The following SYNJ2BP variants were observed in gnomAD, a reference collection of about 807,000 sequenced individuals.
SYNJ2BP encodes the protein synaptojanin-2-binding protein.
SYNJ2BP carries 10 observed loss-of-function variants against 16.9 expected under a neutral mutation model. The ratio of observed to expected loss-of-function variants is 0.59; its 90% CI spans 0.36 to 1.00. The LOEUF is 1.00. SYNJ2BP is among the 50% of genes least tolerant of loss of function. The pLI is 0.01. For missense variants in SYNJ2BP, 162 were observed against 186.7 expected, an observed-to-expected ratio of 0.87 and a Z score of 0.77; for synonymous variants, 54 against 68.4, an observed-to-expected ratio of 0.79 and a Z score of 1.04.
chr14:70,396,326 C>T (rs1888093859), intron 1 of SYNJ2BP, among the ~76,000 whole-genome samples: 1 of 152,116 alleles, frequency 6.6e-6, no homozygotes, highest in Non-Finnish European at 1.5e-5. Context: ...ACCATGTTAG[C>T]CAGGATGGTC....
Position 70,416,922 on chromosome 14 carries a change from G to C in SYNJ2BP, c.42C>G (p.Ile14Met). 6.2e-7 allele frequency: 1 copy of C among 1,614,070 alleles called. No homozygotes were observed. Among genetic ancestry groups the C allele is most frequent in the East Asian group, 2.2e-5 (1 of 44,878 alleles). ...RVDYLVTEEEINLTRGPSGLG... is the reference protein window; with the variant it reads ...RVDYLVTEEEMNLTRGPSGLG... ...TACCTGAGGGCCCTCTGGTAAGATT[G>C]ATCTCTTCCTCAGTGACCAAATAAT... Residue 14 changes from isoleucine (I) to methionine (M), a missense_variant, in exon 1 of 4, where the codon ATC becomes ATG. Ile to Met is a conservative substitution (Grantham distance 10). Transcript: ENST00000256366.
chr14:70,398,509 A>G (rs1888156453), intron 1 of SYNJ2BP, among the ~76,000 whole-genome samples: 1 of 152,194 alleles, frequency 6.6e-6, no homozygotes, highest in South Asian at 2.1e-4. Flanking sequence ...CTGGTGTGTC[A>G]GCACTGCCCT....
At chr14:70,394,510 T>G (rs535986838) in intron 1 of SYNJ2BP, among the ~76,000 whole-genome samples, 1 of 151,392 alleles carries the variant, frequency 6.6e-6, no homozygotes, top group African/African-American at 2.4e-5. Context: ...GAGCTCTGGT[T>G]ATAATGTGCC....
At chr14:70,399,071 C>T (rs1475068361) in intron 1 of SYNJ2BP, among the ~76,000 whole-genome samples, 2 of 152,160 alleles carry the variant, frequency 1.3e-5, no homozygotes. Flanking sequence ...GTGCAAGAAC[C>T]CACTGCAGTG....
At chr14:70,407,650 A>G (rs1334423608) in intron 1 of SYNJ2BP, among the ~76,000 whole-genome samples, 1 of 152,128 alleles carries the variant, frequency 6.6e-6, no homozygotes, top group Non-Finnish European at 1.5e-5. Flanking sequence ...AGATAAAATC[A>G]AAGTAAAAAA....
intron 1 of SYNJ2BP, among the ~76,000 whole-genome samples, chr14:70,398,668 G>A (rs1006542141): frequency 5.3e-5 from 8 of 152,170 alleles, no homozygotes; most frequent in African/African-American, 1.7e-4. Flanking sequence ...ACCTTCCTGG[G>A]CCCCTGAGGG....
rs183887143 is a variant in SYNJ2BP, at chr14:70,384,058, C to T, written c.201+4412G>A. On this transcript the variant is annotated intron_variant, in intron 2 of 3. Coordinates refer to ENST00000256366, the MANE Select transcript of SYNJ2BP (RefSeq NM_018373.3). ...CTGCAAGCTCTGCCTCCCGGGTTCA[C>T]GCCATGAAACTACATGATAAACCAT... is the stretch of plus-strand genomic sequence containing the variant. Among the ~76,000 whole-genome samples the T allele has an allele frequency of 1.1e-4, 17 of 151,572 alleles. No homozygotes were observed. In the East Asian group the frequency reaches 1.7e-3, roughly 16 times the overall value.
At chr14:70,404,089 G>A (rs1272076737) in intron 1 of SYNJ2BP, among the ~76,000 whole-genome samples, 1 of 152,056 alleles carries the variant, frequency 6.6e-6, no homozygotes, top group Non-Finnish European at 1.5e-5. Context: ...CTTGAGGCCA[G>A]GCATGGTAGC....
chr14:70,377,076 C>T (rs1316400689), intron 2 of SYNJ2BP, among the ~76,000 whole-genome samples: 2 of 152,238 alleles, frequency 1.3e-5, no homozygotes, highest in Admixed American at 6.5e-5. Context: ...TAAACTTAGA[C>T]TTCAATATTA....
rs11335413 is a variant in SYNJ2BP at position 70,407,534 on chromosome 14, CAA to C, written c.64+9364_64+9365del. ...AAGCACCAATTTTGTGTTAATTAAGCAAAAAAAAAATTTGTTATAGTATCCTC... is the reference window on the plus strand; with the variant it reads ...AAGCACCAATTTTGTGTTAATTAAGCAAAAAAAATTTGTTATAGTATCCTC... On this transcript the variant is annotated intron_variant, in intron 1 of 3. Coordinates refer to ENST00000256366, the MANE Select transcript of SYNJ2BP (RefSeq NM_018373.3). Among the ~76,000 whole-genome samples the C allele has an allele frequency of 1.1e-3, 160 of 151,684 alleles. 2 individuals carry two copies. The East Asian group carries it at 0.02, about 19-fold the overall frequency.
chr14:70,400,701 C>T (rs969226670), intron 1 of SYNJ2BP, among the ~76,000 whole-genome samples: 11 of 152,200 alleles, frequency 7.2e-5, no homozygotes, highest in African/African-American at 2.4e-4. Context: ...TATACTTTTA[C>T]TAAAGACACG....
intron 1 of SYNJ2BP, among the ~76,000 whole-genome samples, chr14:70,410,572 C>T (rs1215287086): frequency 1.3e-5 from 2 of 152,040 alleles, no homozygotes; most frequent in African/African-American, 4.8e-5. Flanking sequence ...TGCATGTGTT[C>T]ACTGCAGCAC....
intron 3 of SYNJ2BP, among the ~76,000 whole-genome samples, chr14:70,375,369 T>C (rs1400182070): frequency 6.6e-6 from 1 of 151,532 alleles, no homozygotes; most frequent in Non-Finnish European, 1.5e-5. Context: ...GCCTGAATTT[T>C]TTGTATTTTT....
chr14:70,398,751 G>A (rs1888162921), intron 1 of SYNJ2BP, among the ~76,000 whole-genome samples: 1 of 152,208 alleles, frequency 6.6e-6, no homozygotes, highest in Admixed American at 6.5e-5. Context: ...GAAGTGTGCA[G>A]CCAGCACTAG....
intron 1 of SYNJ2BP, among the ~76,000 whole-genome samples, chr14:70,407,875 G>T (rs1045969789): frequency 1.3e-5 from 2 of 152,096 alleles, no homozygotes; most frequent in African/African-American, 4.8e-5. Flanking sequence ...TTGTTTAATT[G>T]TCTCATTACC....
intron 1 of SYNJ2BP, among the ~76,000 whole-genome samples, chr14:70,414,437 T>G (rs927577477): frequency 1.6e-4 from 24 of 152,212 alleles, no homozygotes; most frequent in Non-Finnish European, 2.9e-4. Flanking sequence ...TAATTAGTCC[T>G]TGAAGCTTGT....
intron 2 of SYNJ2BP, among the ~76,000 whole-genome samples, chr14:70,378,424 C>CTTTTTT (rs34309608): frequency 3.6e-5 from 4 of 110,132 alleles, no homozygotes; most frequent in Non-Finnish European, 5.4e-5. Flanking sequence ...TTCCTTCAAA[C>CTTTTTT]TTTTTTTTTT....
At chr14:70,389,391 T>C (rs952191040) in intron 1 of SYNJ2BP, among the ~76,000 whole-genome samples, 40 of 151,820 alleles carry the variant, frequency 2.6e-4, no homozygotes, top group African/African-American at 9.2e-4. Context: ...TTTTTTTTTT[T>C]TCCATTTTGG....
At position 70,369,272 on chromosome 14, in the gene SYNJ2BP, T is replaced by TA. The variant is rs1229141615; in HGVS notation, c.*3718_*3719insT. On this transcript the variant is annotated 3_prime_UTR_variant, in exon 4 of 4. Coordinates refer to ENST00000256366, the MANE Select transcript of SYNJ2BP (RefSeq NM_018373.3). ...AATGCACCACTAATTTGTTTGACTTTTAGTAAAGACAGGGTTTCACCACAT... is the reference window on the plus strand; with the variant it reads ...AATGCACCACTAATTTGTTTGACTTTATAGTAAAGACAGGGTTTCACCACAT... 6.6e-6 allele frequency: 1 copy of TA among 152,160 alleles called. No individual in the cohort carries two copies. Among genetic ancestry groups the TA allele is most frequent in the African/African-American group, 2.4e-5 (1 of 41,436 alleles). 9.4% of individuals were successfully genotyped at this position (152,160 alleles called of 1,614,324 possible). A position where few individuals can be genotyped will look rare whatever the true frequency, so the allele number is the denominator to read the frequency against.
Sources: allele counts gnomAD v4.1 joint callset (sites outside exome capture counted in the v4.1 genomes callset), GRCh38; gene constraint gnomAD v4.1.1; transcripts MANE v1.5; gene names NCBI Gene and HGNC (gene_info 2026-07-23, HGNC 2026-07-21).